Variants in STXBP5L observed in about 807,000 individuals in gnomAD.
STXBP5L encodes the protein syntaxin-binding protein 5-like.
In STXBP5L, 65 loss-of-function variants were observed where a neutral mutation model predicts 144.5. That is an observed-to-expected ratio of 0.45 (90% CI 0.37 to 0.55). The LOEUF (loss-of-function observed/expected upper bound fraction) is 0.55, where lower values mean the gene tolerates loss of function less well. Among genes scored for constraint, STXBP5L ranks in the 20% least tolerant of loss-of-function variants. The pLI is 0.00. For synonymous variants in STXBP5L, 505 were observed against 469.6 expected (o/e 1.08, Z -0.97); for missense variants, 1,298 against 1,405.5 (o/e 0.92, Z 1.22).
intron 5 of STXBP5L, among the ~76,000 whole-genome samples, chr3:121,067,700 G>A (rs1410978444): frequency 6.6e-6 from 1 of 151,998 alleles, no homozygotes; most frequent in Non-Finnish European, 1.5e-5. Context: ...TATTAAGAGA[G>A]GACCGTTAAA....
intron 18 of STXBP5L, among the ~76,000 whole-genome samples, chr3:121,262,843 A>G (rs2050428195): frequency 6.6e-6 from 1 of 152,220 alleles, no homozygotes; most frequent in Non-Finnish European, 1.5e-5. Flanking sequence ...TAAAACTCCC[A>G]TCTCCCTGGG....
intron 3 of STXBP5L, among the ~76,000 whole-genome samples, chr3:120,988,364 G>A (rs1942506986): frequency 6.6e-6 from 1 of 151,432 alleles, no homozygotes; most frequent in South Asian, 2.1e-4. Flanking sequence ...TGAATCATGA[G>A]CTCCTTAGAA....
chr3:120,976,003 C>G (rs1404772466), intron 3 of STXBP5L, among the ~76,000 whole-genome samples: 2 of 146,782 alleles, frequency 1.4e-5, no homozygotes, highest in East Asian at 2.0e-4. Flanking sequence ...GTCTAAAATT[C>G]TCTTTTTTTT....
intron 9 of STXBP5L, among the ~76,000 whole-genome samples, chr3:121,187,806 G>C (rs976043578): frequency 2.0e-5 from 3 of 151,540 alleles, no homozygotes; most frequent in African/African-American, 7.3e-5. Context: ...CATCTCATGT[G>C]CAAAAACATA....
At chr3:121,270,877 C>A (rs1213862565) in intron 18 of STXBP5L, among the ~76,000 whole-genome samples, 2 of 152,050 alleles carry the variant, frequency 1.3e-5, no homozygotes, top group Non-Finnish European at 2.9e-5. Context: ...GGCAGGAATA[C>A]CACAGAAACA....
intron 20 of STXBP5L, among the ~76,000 whole-genome samples, chr3:121,337,048 G>C (rs2108572194): frequency 6.6e-6 from 1 of 152,250 alleles, no homozygotes; most frequent in Middle Eastern, 3.4e-3. Context: ...GGAGCTAAAT[G>C]ATGAGAACAC....
intron 18 of STXBP5L, among the ~76,000 whole-genome samples, chr3:121,277,729 C>CT (rs918213540): frequency 2.0e-5 from 3 of 151,274 alleles, no homozygotes; most frequent in Non-Finnish European, 4.4e-5. Context: ...TATTTTGTGC[C>CT]TTTTTTTAGT....
chr3:121,127,391 C>G (rs1056068180), intron 7 of STXBP5L, among the ~76,000 whole-genome samples: 1 of 152,014 alleles, frequency 6.6e-6, no homozygotes, highest in African/African-American at 2.4e-5. Flanking sequence ...AAGTCTAAAA[C>G]TAAGGTGTCA....
intron 11 of STXBP5L, among the ~76,000 whole-genome samples, chr3:121,228,094 A>C (rs1445108316): frequency 6.6e-6 from 1 of 152,242 alleles, no homozygotes. Flanking sequence ...AATGGTGTTC[A>C]CTGCTAAATA....
At chr3:121,079,509 C>G (rs768663887) in intron 5 of STXBP5L, among the ~76,000 whole-genome samples, 10 of 152,136 alleles carry the variant, frequency 6.6e-5, no homozygotes, top group Non-Finnish European at 1.5e-4. Flanking sequence ...TTTGCAGCAA[C>G]TTTAAGAGGA....
intron 5 of STXBP5L, among the ~76,000 whole-genome samples, chr3:121,067,911 C>T (rs903291386): frequency 6.6e-6 from 1 of 152,088 alleles, no homozygotes; most frequent in Non-Finnish European, 1.5e-5. Context: ...TCCATCTTTA[C>T]TTTGTGTTTG....
chr3:121,083,445 T>C (rs1222761230), intron 5 of STXBP5L, among the ~76,000 whole-genome samples: 2 of 151,858 alleles, frequency 1.3e-5, no homozygotes, highest in African/African-American at 4.8e-5. Context: ...GCAGATCACT[T>C]GAGGTCACAA....
chr3:121,077,863 GTGC>G (rs2042087089), intron 5 of STXBP5L, among the ~76,000 whole-genome samples: 1 of 152,100 alleles, frequency 6.6e-6, no homozygotes, highest in South Asian at 2.1e-4. Flanking sequence ...TAGACACAGG[GTGC>G]TGATTGGTGT....
At chr3:121,378,550 C>T (rs1488213174) in intron 20 of STXBP5L, among the ~76,000 whole-genome samples, 166 bp from the exon 21 acceptor site, 3 of 152,122 alleles carry the variant, frequency 2.0e-5, no homozygotes, top group African/African-American at 4.8e-5. Flanking sequence ...TGGCTAACTA[C>T]TAAAATTATG....
At chr3:121,169,994 G>A (rs570688836) in intron 9 of STXBP5L, among the ~76,000 whole-genome samples, 72 of 152,224 alleles carry the variant, frequency 4.7e-4, no homozygotes, top group Middle Eastern at 3.4e-3. Flanking sequence ...ATAACAAACA[G>A]TCTCTCAGAC....
intron 5 of STXBP5L, among the ~76,000 whole-genome samples, chr3:121,093,576 T>A (rs1387635874): frequency 1.3e-5 from 2 of 152,248 alleles, no homozygotes; most frequent in Non-Finnish European, 2.9e-5. Context: ...GTTTGTAGTA[T>A]TCGCTGATGG....
At chr3:121,226,384 G>A (rs1405867840) in intron 11 of STXBP5L, among the ~76,000 whole-genome samples, 4 of 152,172 alleles carry the variant, frequency 2.6e-5, no homozygotes, top group Non-Finnish European at 5.9e-5. Flanking sequence ...GAATTGAGGA[G>A]AGCCCCATTA....
chr3:121,256,723 CAT>C (rs1166045287), intron 16 of STXBP5L, among the ~76,000 whole-genome samples: 3 of 151,804 alleles, frequency 2.0e-5, no homozygotes, highest in Admixed American at 6.6e-5. Flanking sequence ...ACTACACACA[CAT>C]ATACACGTTT....
In STXBP5L at chr3:121,407,422, C is replaced by T; in HGVS notation, c.2767C>T (p.His923Tyr). 6.2e-7 allele frequency: 1 copy of T among 1,613,148 alleles called. No homozygotes were observed. The highest frequency in any genetic ancestry group is 1.1e-5 in the South Asian group (1 of 91,046). The stretch of plus-strand genomic sequence containing the variant: ...TTCTGCATCCCAAGAAATAGGAGAT[C>T]ATCAGTATACAATAATCTGCTCAGA... The part of the protein sequence containing the change: ...SSSASQEIGD[H>Y]QYTIICSEKQ... The change falls in exon 23 of 27, where the codon CAT (histidine) becomes TAT (tyrosine). Residue 923 changes from histidine to tyrosine, a missense_variant. Transcript: ENST00000471454.
Sources: allele counts gnomAD v4.1 joint callset (sites outside exome capture counted in the v4.1 genomes callset), GRCh38; gene constraint gnomAD v4.1.1; transcripts MANE v1.5; gene names NCBI Gene and HGNC (gene_info 2026-07-23, HGNC 2026-07-21).